The following ZNF180 variants were observed in gnomAD, a reference collection of about 807,000 sequenced individuals.
The protein encoded by ZNF180 is zinc finger protein 180.
Under a neutral mutation model 11.8 loss-of-function variants are expected in ZNF180, and 11 were observed. That is an observed-to-expected ratio of 0.93 (90% CI 0.59 to 1.55). ZNF180 has a LOEUF of 1.55. Among genes scored for constraint, ZNF180 ranks in the 40% most tolerant of loss-of-function variants. The pLI is 0.00. For missense variants in ZNF180, 773 were observed against 781.7 expected (o/e 0.99, Z 0.13); for synonymous variants, 287 against 257.7 (o/e 1.11, Z -1.09).
chr19:44,483,734 TG>T (rs1352970051), intron 3 of ZNF180, among the ~76,000 whole-genome samples: 1 of 152,238 alleles, frequency 6.6e-6, no homozygotes, highest in African/African-American at 2.4e-5. Context: ...TTATTCAAGA[TG>T]TTCTGAATTA....
At chr19:44,496,757 G>GT (rs1204295364) in intron 2 of ZNF180, 1 of 150,384 alleles carries the variant, frequency 6.6e-6, no homozygotes, top group Non-Finnish European at 1.5e-5. Context: ...TACAGATAAT[G>GT]TTTGTTAACT....
chr19:44,493,989 G>A (rs1324069991), intron 2 of ZNF180, among the ~76,000 whole-genome samples: 1 of 152,192 alleles, frequency 6.6e-6, no homozygotes, highest in Non-Finnish European at 1.5e-5. Context: ...AGCTGACCTG[G>A]ATTCCTGACC....
At position 44,484,445 on chromosome 19, in the gene ZNF180, C is replaced by T; in HGVS notation, c.52-10G>A. 1 of 1,608,186 alleles carries T rather than the reference C, an allele frequency of 6.2e-7. No homozygotes were observed. Among genetic ancestry groups the T allele is most frequent in the Non-Finnish European group, 8.5e-7 (1 of 1,174,652 alleles). Reference sequence around the variant, plus strand: ...GAGGAAGGAAAGAATCCTGAAAAGGCAAAACAGATGAGAAAAAGGAAAATA... The same window carrying T: ...GAGGAAGGAAAGAATCCTGAAAAGGTAAAACAGATGAGAAAAAGGAAAATA... On this transcript the variant is annotated splice_polypyrimidine_tract_variant and intron_variant, in intron 2 of 4. Transcript: ENST00000592529.
In ZNF180 at chr19:44,474,824, G is replaced by A. The variant is rs900262032; in HGVS notation, c.*1578C>T. On this transcript the variant is annotated 3_prime_UTR_variant, in exon 5 of 5. Transcript: ENST00000592529. ...GGGTTCTTCAAAGTGTGGGTCAGTG[G>A]TCCCCAAGGGATGCCCGCAGCTTTC... 6 of 152,162 alleles carry A rather than the reference G, an allele frequency of 3.9e-5. No individual in the cohort carries two copies. Among genetic ancestry groups the A allele is most frequent in the African/African-American group, 1.4e-4 (6 of 41,424 alleles). 9.4% of individuals were successfully genotyped at this position (152,162 alleles called of 1,614,324 possible).
Position 44,496,095 on chromosome 19 carries a change from T to C in ZNF180, c.51+1189A>G, listed in dbSNP as rs984196736. Among the ~76,000 whole-genome samples the C allele has an allele frequency of 2.0e-5, 3 of 152,068 alleles. No individual in the cohort carries two copies. The East Asian group carries it at 5.9e-4, about 30-fold the overall frequency. ...GTGCAGTGACACAATCATAGCTTAC[T>C]ACATCCTAGACCTCCTGGGCTCAGG... On this transcript the variant is annotated intron_variant, in intron 2 of 4. Transcript: ENST00000592529.
At chr19:44,483,254 G>A (rs1970129437) in intron 3 of ZNF180, among the ~76,000 whole-genome samples, 1 of 152,044 alleles carries the variant, frequency 6.6e-6, no homozygotes, top group Admixed American at 6.5e-5. Flanking sequence ...TCAATTTAAG[G>A]TTCATGGATC....
At chr19:44,488,139 C>T (rs1183585483) in intron 2 of ZNF180, among the ~76,000 whole-genome samples, 2 of 125,292 alleles carry the variant, frequency 1.6e-5, no homozygotes, top group African/African-American at 6.5e-5. Context: ...TCTCTTTCCA[C>T]GGTCTCCCTC....
In ZNF180 at chr19:44,484,658, G is replaced by C. The variant is rs1031525657; in HGVS notation, c.52-223C>G. Reference sequence around the variant, plus strand: ...CCAAGGCCCACAGATACCTGGACATGAGGTCTTTTTGGGTCTTCTGGGCCA... The same window carrying C: ...CCAAGGCCCACAGATACCTGGACATCAGGTCTTTTTGGGTCTTCTGGGCCA... On this transcript the variant is annotated intron_variant, in intron 2 of 4. Coordinates refer to ENST00000592529, the MANE Select transcript of ZNF180 (RefSeq NM_001278509.3). 3 of 567,680 alleles carry C rather than the reference G, an allele frequency of 5.3e-6. No individual in the cohort carries two copies. The African/African-American group carries it at 5.6e-5, about 11-fold the overall frequency. 35.2% of individuals were successfully genotyped at this position (567,680 alleles called of 1,614,324 possible).
At chr19:44,482,114 T>C (rs1970096131) in intron 3 of ZNF180, among the ~76,000 whole-genome samples, 1 of 152,192 alleles carries the variant, frequency 6.6e-6, no homozygotes, top group Admixed American at 6.5e-5. Context: ...AAGACCAGCC[T>C]GGGCAACATG....
intron 2 of ZNF180, chr19:44,484,745 T>C (rs1051842487): frequency 5.1e-6 from 2 of 394,800 alleles, no homozygotes; most frequent in Non-Finnish European, 9.3e-6. Flanking sequence ...ACTAAGACGC[T>C]AAGAACTGTC....
In ZNF180 at chr19:44,477,632, G is replaced by A; in HGVS notation, c.768C>T (p.Cys256=). 1 of 1,613,880 alleles carries A rather than the reference G, an allele frequency of 6.2e-7. No individual in the cohort carries two copies. The highest frequency in any genetic ancestry group is 1.1e-5 in the South Asian group (1 of 91,074). The part of the protein sequence containing the change: ...YGFSDRIQSF[C]HGTPLHIHEK... ...CATGTATATGTAGGGGTGTACCATG[G>A]CAAAAAGATTGAATACGGTCACTAA... The change falls in exon 5 of 5, where the codon TGC becomes TGT. Residue 256 remains cysteine (C), a synonymous_variant. Coordinates refer to ENST00000592529, the MANE Select transcript of ZNF180 (RefSeq NM_001278509.3).
chr19:44,487,566 TG>T lies in ZNF180; in HGVS notation c.52-3132del, dbSNP rs528125442. ...TAAAAAGGAGAGGAACCCTCAGTTC[TG>T]GGAATTGCCCACCCCAGTCCTGGAA... On this transcript the variant is annotated intron_variant, in intron 2 of 4. Transcript: ENST00000592529. Among the ~76,000 whole-genome samples the T allele has an allele frequency of 2.0e-3, 307 of 152,338 alleles. 1 individual carries two copies. Among genetic ancestry groups the T allele is most frequent in the African/African-American group, 7.0e-3 (289 of 41,582 alleles).
rs778602451 is a variant in ZNF180 at position 44,476,728 on chromosome 19, A to T, written c.1672T>A (p.Ser558Thr). Residue 558 changes from serine (S) to threonine (T), a missense_variant, in exon 5 of 5, where the codon TCC becomes ACC. Physicochemically the swap from Ser to Thr is moderately conservative, Grantham distance 58. Transcript: ENST00000592529. ...ACAAGAACATAACTCTGGCTGAAGG[A>T]TTTCCCACACTGATTACATTCATAC... ...KPYECNQCGK[S>T]FSQSYVLVVH... 1.9e-6 allele frequency: 3 copies of T among 1,614,152 alleles called. No homozygotes were observed. The East Asian group carries it at 6.7e-5, about 36-fold the overall frequency.
chr19:44,486,055 T>C (rs1302693904), intron 2 of ZNF180, among the ~76,000 whole-genome samples: 1 of 152,222 alleles, frequency 6.6e-6, no homozygotes, highest in Non-Finnish European at 1.5e-5. Flanking sequence ...AAATGTCCAC[T>C]AGGAAGTGCC....
Position 44,484,544 on chromosome 19 carries a change from G to A in ZNF180, c.52-109C>T, listed in dbSNP as rs939741827. The A allele has an allele frequency of 4.0e-5, 30 of 745,068 alleles. No homozygotes were observed. In the Admixed American group the frequency reaches 4.0e-4, roughly 10 times the overall value. The allele number at this position is 745,068 out of a possible 1,614,324, so 46.2% of individuals were successfully genotyped here. On this transcript the variant is annotated intron_variant, in intron 2 of 4. Coordinates refer to ENST00000592529, the MANE Select transcript of ZNF180 (RefSeq NM_001278509.3). ...GATTTGACATACCACCTATTTTAAC[G>A]CATCCCTCCCACCATATTTCTCCTC...
intron 2 of ZNF180, 105 bp from the exon 3 acceptor site, chr19:44,484,540 T>C: frequency 2.6e-6 from 2 of 761,492 alleles, no homozygotes; most frequent in Non-Finnish European, 4.6e-6. Context: ...CCACCTATTT[T>C]AACGCATCCC....
In ZNF180 at chr19:44,476,181, C is replaced by T. The variant is rs1969861256; in HGVS notation, c.*221G>A. 2.3e-6 allele frequency: 1 copy of T among 433,388 alleles called. No homozygotes were observed. The highest frequency in any genetic ancestry group is 4.0e-6 in the Non-Finnish European group (1 of 247,472). The allele number at this position is 433,388 out of a possible 1,614,324, so 26.8% of individuals were successfully genotyped here. ...TTTCATAGGAATATGTCATAAGAAT[C>T]AAGTTTAACATTGTATATGGAATTG... is the stretch of plus-strand genomic sequence containing the variant. On this transcript the variant is annotated 3_prime_UTR_variant, in exon 5 of 5. Coordinates refer to ENST00000592529, the MANE Select transcript of ZNF180 (RefSeq NM_001278509.3).
chr19:44,498,712 C>G lies in ZNF180; in HGVS notation c.-43-1335G>C, dbSNP rs555488944. On this transcript the variant is annotated intron_variant, in intron 1 of 4. Transcript: ENST00000592529. Reference sequence around the variant, plus strand: ...CCGCCCCTCTGCAGCTGCTCCCCCCCACACACCTGGGCATCCTCAGGCAGA... The same window carrying G: ...CCGCCCCTCTGCAGCTGCTCCCCCCGACACACCTGGGCATCCTCAGGCAGA... Among the ~76,000 whole-genome samples, 8 of 152,266 alleles carry G rather than the reference C, an allele frequency of 5.3e-5. No homozygotes were observed. The South Asian group carries it at 6.2e-4, about 12-fold the overall frequency.
chr19:44,488,937 A>G (rs1409137752), intron 2 of ZNF180, among the ~76,000 whole-genome samples: 226 of 149,618 alleles, frequency 1.5e-3, no homozygotes, highest in African/African-American at 5.2e-3. Context: ...AGAAGTGAGG[A>G]GCCCCTCCGC....
Sources: gnomAD v4.1 joint callset for allele counts (sites outside exome capture counted in the v4.1 genomes callset) on GRCh38, gnomAD v4.1.1 for gene constraint, MANE v1.5 for transcripts, NCBI Gene and HGNC (gene_info 2026-07-23, HGNC 2026-07-21) for gene names.